ZP1: variants seen among roughly 807,000 people sequenced by gnomAD.
The protein encoded by ZP1 is zona pellucida glycoprotein 1.
Under a neutral mutation model 67.4 loss-of-function variants are expected in ZP1, and 58 were observed. The observed-to-expected ratio is 0.86, with a 90% CI of 0.70 to 1.07. ZP1 has a LOEUF of 1.07. ZP1 is among the 50% of genes least tolerant of loss of function. ZP1 has a pLI of 0.00. For missense variants in ZP1, 759 were observed against 807.3 expected (o/e 0.94, Z 0.72); for synonymous variants, 333 against 332.7 (o/e 1.00, Z -0.01).
chr11:60,874,848 G>C, intron 9 of ZP1, 85 bp from the exon 10 acceptor site: 1 of 1,367,364 alleles, frequency 7.3e-7, no homozygotes, highest in Non-Finnish European at 1.0e-6. Context: ...ACTTGGCCCA[G>C]CTCGGGGATT....
At chr11:60,871,347 G>A in intron 6 of ZP1, 33 bp downstream of exon 6, 1 of 1,606,838 alleles carries the variant, frequency 6.2e-7, no homozygotes. Context: ...AGGCGTGGCT[G>A]TGTGCTAGGG....
rs752866850 is a variant in ZP1 at position 60,870,994 on chromosome 11, C to T, written c.864C>T (p.Leu288=). The T allele has an allele frequency of 9.3e-6, 15 of 1,614,084 alleles. No homozygotes were observed. Among genetic ancestry groups the T allele is most frequent in the Middle Eastern group, 1.6e-4 (1 of 6,084 alleles). The change falls in exon 5 of 12, where the codon CTC becomes CTT. Residue 288 remains leucine, a synonymous_variant. Coordinates refer to ENST00000278853, the MANE Select transcript of ZP1 (RefSeq NM_207341.4). ...VQCFRDGYFV[L]VVSQEMALTH... is the part of the protein sequence containing the mutation. Reference sequence around the variant, plus strand: ...GCTTCAGAGATGGCTACTTCGTCCTCGTGGTGTCCCAAGAAATGGCCTTGA... The same window carrying T: ...GCTTCAGAGATGGCTACTTCGTCCTTGTGGTGTCCCAAGAAATGGCCTTGA...
chr11:60,870,184 G>C, intron 3 of ZP1, 148 bp from the exon 4 acceptor site: 1 of 903,716 alleles, frequency 1.1e-6, no homozygotes, highest in East Asian at 3.0e-5. Context: ...ATATTCTCTA[G>C]AAATTTCAGT....
chr11:60,873,646 G>A lies in ZP1; in HGVS notation c.1443G>A (p.Lys481=), dbSNP rs1482356394. The part of the protein sequence containing the change: ...WPILSDGCPF[K]GDSYRTQMVA... The stretch of plus-strand genomic sequence containing the variant: ...CTTCTCTTCTCAGATGCCCTTTCAA[G>A]GGCGACAGCTACAGAACCCAAATGG... The change falls in exon 9 of 12, where the codon AAG becomes AAA. Residue 481 remains lysine, a synonymous_variant. Transcript: ENST00000278853. 4 of 1,614,140 alleles carry A rather than the reference G, an allele frequency of 2.5e-6. No homozygotes were observed. The highest frequency in any genetic ancestry group is 2.5e-6 in the Non-Finnish European group (3 of 1,180,026).
chr11:60,871,554 G>A (rs1855570619), intron 6 of ZP1, among the ~76,000 whole-genome samples: 1 of 152,202 alleles, frequency 6.6e-6, no homozygotes, highest in Non-Finnish European at 1.5e-5. Context: ...GGCCTGCAGG[G>A]CTTGGCTAGA....
chr11:60,869,692 C>T lies in ZP1; in HGVS notation c.474C>T (p.Thr158=). 1 of 1,614,146 alleles carries T rather than the reference C, an allele frequency of 6.2e-7. No individual in the cohort carries two copies. Among genetic ancestry groups the T allele is most frequent in the South Asian group, 1.1e-5 (1 of 91,080 alleles). The change falls in exon 3 of 12, where the codon ACC becomes ACT. Residue 158 remains threonine (T), a synonymous_variant. Transcript: ENST00000278853. ...CACCCGCCATGTTCTCTGTCTCAACCCCACAAACCCTTTCCTTCCTCCCCA... is the reference window on the plus strand; with the variant it reads ...CACCCGCCATGTTCTCTGTCTCAACTCCACAAACCCTTTCCTTCCTCCCCA... ...LAPPAMFSVS[T]PQTLSFLPTS...
At position 60,870,448 on chromosome 11, in the gene ZP1, G is replaced by C. The variant is rs777127132; in HGVS notation, c.799G>C (p.Glu267Gln). 15 of 1,612,032 alleles carry C rather than the reference G, an allele frequency of 9.3e-6. No homozygotes were observed. Among genetic ancestry groups the C allele is most frequent in the Non-Finnish European group, 8.5e-7 (1 of 1,179,250 alleles). The change falls in exon 4 of 12, where the codon GAG becomes CAG. Residue 267 changes from glutamate (E) to glutamine (Q), a missense_variant. Glu to Gln is a conservative substitution (Grantham distance 29). Coordinates refer to ENST00000278853, the MANE Select transcript of ZP1 (RefSeq NM_207341.4). ...TGGCTGCTGCTATGACAACACCAGA[G>C]AGGTTCCCTGTTACTATGGCAACAC... The part of the protein sequence containing the change: ...QAGCCYDNTR[E>Q]VPCYYGNTAT...
chr11:60,873,173 G>C lies in ZP1; in HGVS notation c.1124G>C (p.Arg375Pro). ...TRDSTFQLHV[R>P]CVFNASDFLP... is the part of the protein sequence containing the mutation. ...CACGTGGACTTCAGGCTTCATGTGCGCTGTGTCTTCAACGCCAGTGACTTC... is the reference window on the plus strand; with the variant it reads ...CACGTGGACTTCAGGCTTCATGTGCCCTGTGTCTTCAACGCCAGTGACTTC... Residue 375 changes from arginine to proline, a missense_variant, in exon 7 of 12, where the codon CGC becomes CCC. Coordinates refer to ENST00000278853, the MANE Select transcript of ZP1 (RefSeq NM_207341.4). 3 of 1,589,712 alleles carry C rather than the reference G, an allele frequency of 1.9e-6. No individual in the cohort carries two copies. The highest frequency in any genetic ancestry group is 2.6e-6 in the Non-Finnish European group (3 of 1,168,172).
chr11:60,871,778 G>A (rs1413478015), intron 6 of ZP1, among the ~76,000 whole-genome samples: 1 of 152,208 alleles, frequency 6.6e-6, no homozygotes, highest in Non-Finnish European at 1.5e-5. Flanking sequence ...AACTGGGTGG[G>A]GGAGGAACCC....
rs1855620061 is a variant in ZP1, at chr11:60,873,307, T to C, written c.1240+18T>C. ...TGCCAAAGGTATGCTATGCTATCCC[T>C]GCTCTCTTCTGGCCCCCACTTCCCT... On this transcript the variant is annotated intron_variant, in intron 7 of 11. Coordinates refer to ENST00000278853, the MANE Select transcript of ZP1 (RefSeq NM_207341.4). 6.3e-7 allele frequency: 1 copy of C among 1,583,470 alleles called. No homozygotes were observed. Among genetic ancestry groups the C allele is most frequent in the African/African-American group, 1.3e-5 (1 of 74,550 alleles).
At position 60,870,331 on chromosome 11, in the gene ZP1, G is replaced by GGTAC; in HGVS notation, c.683_686dup (p.His230TyrfsTer35). The GGTAC allele has an allele frequency of 1.3e-6, 2 of 1,596,488 alleles. No individual in the cohort carries two copies. Among genetic ancestry groups the GGTAC allele is most frequent in the Non-Finnish European group, 1.7e-6 (2 of 1,172,004 alleles). ...GCCTCATCACTCTGTCCCAACCCTA[G>GGTAC]GTACCCACCTGAGCCAGGAGCAGTG... On this transcript the variant is annotated frameshift_variant and splice_region_variant. Transcript: ENST00000278853. LOFTEE classifies it high-confidence loss of function.
At chr11:60,869,960 G>T in intron 3 of ZP1, 60 bp downstream of exon 3, 1 of 1,494,296 alleles carries the variant, frequency 6.7e-7, no homozygotes, top group East Asian at 2.3e-5. Flanking sequence ...GTACAGGGTG[G>T]CCTAACAGCC....
Position 60,875,682 on chromosome 11 carries a change from A to T in ZP1, c.*26A>T. 6.2e-7 allele frequency: 1 copy of T among 1,607,988 alleles called. No individual in the cohort carries two copies. The highest frequency in any genetic ancestry group is 8.5e-7 in the Non-Finnish European group (1 of 1,177,358). On this transcript the variant is annotated 3_prime_UTR_variant, in exon 12 of 12. Coordinates refer to ENST00000278853, the MANE Select transcript of ZP1 (RefSeq NM_207341.4). ...ATGGGCCCAATAAACAATCATTTCA[A>T]ACCTACTGAAACCAGGTGTGGAGAA...
rs752925898 is a variant in ZP1 at position 60,873,714 on chromosome 11, GA to G, written c.1512del (p.Phe505SerfsTer66). The part of the protein sequence containing the change: ...GATPFQSHYQ[R>X]FTVATFALLD... ...ACACCTTTCCAGTCGCACTACCAGC[GA>G]TTCACTGTTGCTACCTTCGCCCTCC... On this transcript the variant is annotated frameshift_variant, in exon 9 of 12. Coordinates refer to ENST00000278853, the MANE Select transcript of ZP1 (RefSeq NM_207341.4). LOFTEE classifies it high-confidence loss of function. 1.3e-5 allele frequency: 21 copies of G among 1,614,056 alleles called. No individual in the cohort carries two copies. In the African/African-American group the frequency reaches 2.8e-4, roughly 22 times the overall value.
chr11:60,871,178 C>G, intron 5 of ZP1, 34 bp downstream of exon 5: 2 of 1,613,962 alleles, frequency 1.2e-6, no homozygotes, highest in Non-Finnish European at 8.5e-7. Context: ...GGGCCTGGTC[C>G]CCCACCAGAA....
At chr11:60,870,501 C>A in intron 4 of ZP1, 26 bp downstream of exon 4, 1 of 1,576,628 alleles carries the variant, frequency 6.3e-7, no homozygotes, top group South Asian at 1.2e-5. Context: ...CCAGCAAGAT[C>A]CTGGTCCCTT....
intron 11 of ZP1, 45 bp downstream of exon 11, chr11:60,875,293 A>G: frequency 6.3e-7 from 1 of 1,580,946 alleles, no homozygotes; most frequent in South Asian, 1.1e-5. Flanking sequence ...ACCCACTCTC[A>G]GCCCCCAAGA....
chr11:60,874,237 C>T (rs905354994), intron 9 of ZP1, among the ~76,000 whole-genome samples: 1 of 152,232 alleles, frequency 6.6e-6, no homozygotes, highest in African/African-American at 2.4e-5. Flanking sequence ...ATACCCAAAT[C>T]TCTAGATTCT....
At position 60,869,184 on chromosome 11, in the gene ZP1, T is replaced by A. The variant is rs1288496991; in HGVS notation, c.236T>A (p.Ile79Asn). ...GNRFDVNNCS[I>N]CYHWVTSRPQ... ...CGATTTGATGTCAACAACTGCTCCATCTGCTACCACTGGGTCACCTCCAGG... is the reference window on the plus strand; with the variant it reads ...CGATTTGATGTCAACAACTGCTCCAACTGCTACCACTGGGTCACCTCCAGG... The change falls in exon 2 of 12, where the codon ATC (isoleucine) becomes AAC (asparagine). Residue 79 changes from isoleucine to asparagine, a missense_variant. Physicochemically the swap from Ile to Asn is moderately radical, Grantham distance 149. Coordinates refer to ENST00000278853, the MANE Select transcript of ZP1 (RefSeq NM_207341.4). The A allele has an allele frequency of 2.5e-6, 4 of 1,614,028 alleles. No homozygotes were observed. The African/African-American group carries it at 5.3e-5, about 22-fold the overall frequency.
Sources: gnomAD v4.1 joint callset for allele counts (sites outside exome capture counted in the v4.1 genomes callset) on GRCh38, gnomAD v4.1.1 for gene constraint, MANE v1.5 for transcripts, NCBI Gene and HGNC (gene_info 2026-07-23, HGNC 2026-07-21) for gene names.